Variants in DOCK4 observed in about 807,000 individuals in gnomAD.
DOCK4 encodes the protein dedicator of cytokinesis 4.
In DOCK4, 97 loss-of-function variants were observed where a neutral mutation model predicts 268.1. The observed-to-expected ratio is 0.36, with a 90% CI of 0.31 to 0.43. The LOEUF is 0.43. Ranked by LOEUF, DOCK4 falls within the 20% of genes least tolerant of loss-of-function variation. The pLI is 1.00. For missense variants in DOCK4, 2,145 were observed against 2,455.7 expected, an observed-to-expected ratio of 0.87 and a Z score of 2.67; for synonymous variants, 954 against 887.2, an observed-to-expected ratio of 1.08 and a Z score of -1.34.
intron 13 of DOCK4, among the ~76,000 whole-genome samples, chr7:111,902,179 A>C (rs1791202929): frequency 6.6e-6 from 1 of 152,264 alleles, no homozygotes; most frequent in Non-Finnish European, 1.5e-5. Flanking sequence ...TTATAGTCAT[A>C]GCAATTTAGG....
chr7:111,933,432 T>C (rs1318845082), intron 12 of DOCK4, among the ~76,000 whole-genome samples: 1 of 150,954 alleles, frequency 6.6e-6, no homozygotes, highest in Non-Finnish European at 1.5e-5. Context: ...GTAGCTGGGA[T>C]TACAGGCACG....
At chr7:111,954,239 G>C (rs1036943079) in intron 8 of DOCK4, among the ~76,000 whole-genome samples, 2 of 152,158 alleles carry the variant, frequency 1.3e-5, no homozygotes, top group Non-Finnish European at 2.9e-5. Context: ...ATTCAGAAAA[G>C]CTCAGGCCGC....
At chr7:111,948,050 A>C (rs193280261) in intron 8 of DOCK4, among the ~76,000 whole-genome samples, 1 of 152,264 alleles carries the variant, frequency 6.6e-6, no homozygotes, top group Admixed American at 6.5e-5. Flanking sequence ...AAAAACAATG[A>C]AAAGGAAATG....
chr7:112,039,578 A>C (rs1209810779), intron 1 of DOCK4, among the ~76,000 whole-genome samples: 2 of 152,134 alleles, frequency 1.3e-5, no homozygotes, highest in African/African-American at 4.8e-5. Flanking sequence ...TCTGACTCTC[A>C]AATTGCTGAC....
At position 111,755,448 on chromosome 7, in the gene DOCK4, TA is replaced by T. The variant is rs1796958752; in HGVS notation, c.4416+66del. ...TCTGGGTCGAAGGAGAAGTAATGAA[TA>T]TACGGCACAACTCCAAGTGAACAAC... On this transcript the variant is annotated intron_variant, in intron 42 of 52. Coordinates refer to ENST00000428084, the MANE Select transcript of DOCK4 (RefSeq NM_001363540.2). 7 of 1,473,468 alleles carry T rather than the reference TA, an allele frequency of 4.8e-6. No individual in the cohort carries two copies. The South Asian group carries it at 8.1e-5, about 17-fold the overall frequency. 91.3% of individuals were successfully genotyped at this position (1,473,468 alleles called of 1,614,324 possible).
intron 35 of DOCK4, 130 bp downstream of exon 35, chr7:111,782,734 C>T: frequency 2.0e-6 from 2 of 1,001,854 alleles, no homozygotes; most frequent in Non-Finnish European, 3.0e-6. Context: ...CTTAAAAACA[C>T]TTGTAAATTT....
chr7:112,023,499 C>T (rs1038926994), intron 1 of DOCK4: 10 of 339,534 alleles, frequency 2.9e-5, no homozygotes, highest in Middle Eastern at 3.8e-4. Flanking sequence ...TTGCTTCTCA[C>T]GGAGCAAAAG....
intron 39 of DOCK4, among the ~76,000 whole-genome samples, chr7:111,763,362 C>A (rs915903955): frequency 1.3e-5 from 2 of 152,162 alleles, no homozygotes; most frequent in Admixed American, 1.3e-4. Context: ...GAGTGTAGTG[C>A]CCTTTAGAAA....
At chr7:111,897,175 A>G (rs145424122) in intron 15 of DOCK4, among the ~76,000 whole-genome samples, 3 of 152,042 alleles carry the variant, frequency 2.0e-5, no homozygotes, top group African/African-American at 7.2e-5. Context: ...ATTTACTACC[A>G]CAGATTCACT....
chr7:111,816,855 G>A (rs1163585996), intron 27 of DOCK4, among the ~76,000 whole-genome samples: 2 of 152,100 alleles, frequency 1.3e-5, no homozygotes, highest in Non-Finnish European at 2.9e-5. Context: ...ACTGAAATTA[G>A]ACAGGCAAAG....
At chr7:111,860,806 C>T (rs1805447455) in intron 23 of DOCK4, among the ~76,000 whole-genome samples, 2 of 152,120 alleles carry the variant, frequency 1.3e-5, no homozygotes, top group African/African-American at 2.4e-5. Flanking sequence ...GCAGGTTCTT[C>T]TCTGTGTATC....
At chr7:112,116,601 A>G in intron 1 of DOCK4, among the ~76,000 whole-genome samples, 1 of 152,244 alleles carries the variant, frequency 6.6e-6, no homozygotes, top group East Asian at 1.9e-4. Context: ...GTAACTACAG[A>G]AAGAGTGAGC....
chr7:112,118,466 T>A lies in DOCK4; in HGVS notation c.37+87636A>T, dbSNP rs111657993. 3.7e-3 allele frequency among the ~76,000 whole-genome samples: 571 copies of A among 152,282 alleles called. 3 individuals are homozygous for A. The highest frequency in any genetic ancestry group is 0.013 in the African/African-American group (550 of 41,554). On this transcript the variant is annotated intron_variant, in intron 1 of 52. Coordinates refer to ENST00000428084, the MANE Select transcript of DOCK4 (RefSeq NM_001363540.2). ...AGATAAATATTTTGGCCTCTCAATCTACCCAAAGATACTACACCAAAATAA... is the reference window on the plus strand; with the variant it reads ...AGATAAATATTTTGGCCTCTCAATCAACCCAAAGATACTACACCAAAATAA...
In DOCK4 at chr7:112,032,687, T is replaced by A. The variant is rs920591929; in HGVS notation, c.38-28556A>T. Among the ~76,000 whole-genome samples the A allele has an allele frequency of 9.2e-5, 14 of 152,206 alleles. No homozygotes were observed. The South Asian group carries it at 1.7e-3, about 18-fold the overall frequency. ...AGGCCAGATTTTATTTCCAGCCATA[T>A]CATTGTGATTTTATGTTGTTTATCT... On this transcript the variant is annotated intron_variant, in intron 1 of 52. Coordinates refer to ENST00000428084, the MANE Select transcript of DOCK4 (RefSeq NM_001363540.2).
Position 111,844,848 on chromosome 7 carries a change from T to C in DOCK4, c.2651A>G (p.Asp884Gly). 1 of 1,613,510 alleles carries C rather than the reference T, an allele frequency of 6.2e-7. No individual in the cohort carries two copies. Among genetic ancestry groups the C allele is most frequent in the Non-Finnish European group, 8.5e-7 (1 of 1,179,650 alleles). The change falls in exon 25 of 53, where the codon GAT (aspartate) becomes GGT (glycine). Residue 884 changes from aspartate (D) to glycine (G), a missense_variant. Around this residue, in one of 2 missense-constraint regions of DOCK4, gnomAD observed 1,598 missense variants for 1,986.7 expected, o/e 0.80. Transcript: ENST00000428084. ...EIDVIVASLLDILLRTILEIT... is the reference protein window; with the variant it reads ...EIDVIVASLLGILLRTILEIT... ...CTCCAATATGGTCCTCAGCAGAATA[T>C]CCAGCAAGCTGGCCACTATCACATC...
At chr7:112,160,478 A>G (rs995024883) in intron 1 of DOCK4, among the ~76,000 whole-genome samples, 6 of 152,194 alleles carry the variant, frequency 3.9e-5, no homozygotes, top group Admixed American at 1.3e-4. Context: ...CCTGAAGAGA[A>G]TGATTTGATG....
rs572070891 is a variant in DOCK4, at chr7:111,932,839, C to A, written c.1066+2701G>T. Among the ~76,000 whole-genome samples the A allele has an allele frequency of 2.2e-4, 34 of 152,040 alleles. No homozygotes were observed. The South Asian group carries it at 7.1e-3, about 32-fold the overall frequency. ...CAACAGCAACATATGGCTGCTGCCT[C>A]CTGAATTGGACAGCACAGGTCTAGG... On this transcript the variant is annotated intron_variant, in intron 12 of 52. Coordinates refer to ENST00000428084, the MANE Select transcript of DOCK4 (RefSeq NM_001363540.2).
chr7:112,128,778 G>C (rs1000623729), intron 1 of DOCK4, among the ~76,000 whole-genome samples: 1 of 151,760 alleles, frequency 6.6e-6, no homozygotes, highest in Admixed American at 6.6e-5. Flanking sequence ...CAAACACTGC[G>C]GAAGGCCGCA....
chr7:111,933,240 G>GTATATACACATATATACA (rs1794386661), intron 12 of DOCK4, among the ~76,000 whole-genome samples: 1 of 113,676 alleles, frequency 8.8e-6, no homozygotes, highest in South Asian at 2.8e-4. Flanking sequence ...ACATATATAC[G>GTATATACACATATATACA]TATATATACA....
Sources: gnomAD v4.1 joint callset for allele counts (sites outside exome capture counted in the v4.1 genomes callset) on GRCh38, gnomAD v4.1.1 for gene constraint, gnomAD v4.1.1 regional missense constraint, MANE v1.5 for transcripts, NCBI Gene and HGNC (gene_info 2026-07-23, HGNC 2026-07-21) for gene names.